CYP4X1: variants seen among roughly 807,000 people sequenced by gnomAD.
The protein encoded by CYP4X1 is cytochrome P450 family 4 subfamily X member 1.
CYP4X1 carries 44 observed loss-of-function variants against 57.9 expected under a neutral mutation model. The ratio of observed to expected loss-of-function variants is 0.76; its 90% CI spans 0.60 to 0.98. CYP4X1 has a LOEUF of 0.98. Ranked by LOEUF, CYP4X1 falls within the 50% of genes least tolerant of loss-of-function variation. The probability of loss-of-function intolerance (pLI) is 0.00; values close to 1 mark genes in which losing one functional copy is unlikely to be tolerated. For missense variants in CYP4X1, 532 were observed against 623.9 expected (o/e 0.85, Z 1.57); for synonymous variants, 227 against 228.6 (o/e 0.99, Z 0.06).
At chr1:47,027,989 T>C (rs1474145475) in intron 1 of CYP4X1, among the ~76,000 whole-genome samples, 1 of 152,238 alleles carries the variant, frequency 6.6e-6, no homozygotes, top group African/African-American at 2.4e-5. Context: ...ACCTAGTGCA[T>C]GGTACAGTTC....
At chr1:47,018,552 A>G in the CYP4X1 span, among the ~76,000 whole-genome samples, 1 of 152,296 alleles carries the variant, frequency 6.6e-6, no homozygotes, top group East Asian at 1.9e-4. Flanking sequence ...GGGAGTCACC[A>G]TTATGGGGCA....
chr1:47,031,625 A>T, intron 3 of CYP4X1, 145 bp downstream of exon 3: 3 of 844,618 alleles, frequency 3.6e-6, no homozygotes, highest in Non-Finnish European at 5.5e-6. Context: ...TAGGGGAAAG[A>T]TTGAAGGGGA....
the CYP4X1 span, among the ~76,000 whole-genome samples, chr1:46,981,960 C>T: frequency 1.1e-4 from 16 of 152,072 alleles, no homozygotes; most frequent in Admixed American, 2.0e-4. Flanking sequence ...GGGTGGGGAA[C>T]ATCACACACC....
chr1:47,023,541 G>A (rs1048052918), upstream of CYP4X1: 2 of 1,197,514 alleles, frequency 1.7e-6, no homozygotes, highest in African/African-American at 3.1e-5. Context: ...AAAACTGTTG[G>A]ACTTAAAAGA....
At chr1:46,970,795 C>A in the CYP4X1 span, among the ~76,000 whole-genome samples, 1 of 152,182 alleles carries the variant, frequency 6.6e-6, no homozygotes, top group Admixed American at 6.5e-5. Flanking sequence ...CACGCAGCTG[C>A]TGCACAAGAA....
intron 5 of CYP4X1, 27 bp from the exon 6 acceptor site, chr1:47,035,990 A>T: frequency 6.2e-7 from 1 of 1,610,684 alleles, no homozygotes; most frequent in East Asian, 2.2e-5. Flanking sequence ...TTGTTTATTA[A>T]CACATTATCC....
chr1:47,005,612 T>C, the CYP4X1 span, among the ~76,000 whole-genome samples: 1 of 152,216 alleles, frequency 6.6e-6, no homozygotes, highest in South Asian at 2.1e-4. Context: ...GACTAGCAAA[T>C]TGGCTTATAA....
chr1:46,970,697 A>C, the CYP4X1 span, among the ~76,000 whole-genome samples: 1 of 152,214 alleles, frequency 6.6e-6, no homozygotes, highest in Non-Finnish European at 1.5e-5. Flanking sequence ...AGCTGTTTTA[A>C]CCACCAGATA....
the CYP4X1 span, among the ~76,000 whole-genome samples, chr1:46,983,367 G>A: frequency 6.6e-6 from 1 of 152,222 alleles, no homozygotes; most frequent in Non-Finnish European, 1.5e-5. Flanking sequence ...GAGAGACTGG[G>A]CTCCTTTTCA....
the CYP4X1 span, chr1:47,003,036 A>C: frequency 6.6e-6 from 1 of 152,196 alleles, no homozygotes; most frequent in Non-Finnish European, 1.5e-5. Context: ...GTCATATAAT[A>C]GGAAGTGAAC....
In CYP4X1 at chr1:47,050,669, G is replaced by A. The variant is rs1324515902; in HGVS notation, c.*495G>A. ...TCCTATACATTTTATATGTAGAAAT[G>A]TAGCAATGTATTTGTATAGATGTGA... On this transcript the variant is annotated 3_prime_UTR_variant, in exon 12 of 12. Coordinates refer to ENST00000371901, the MANE Select transcript of CYP4X1 (RefSeq NM_178033.2). 1.9e-5 allele frequency: 3 copies of A among 155,412 alleles called. No homozygotes were observed. Among genetic ancestry groups the A allele is most frequent in the Admixed American group, 1.2e-4 (2 of 16,008 alleles). The allele number at this position is 155,412 out of a possible 1,614,324, so 9.6% of individuals were successfully genotyped here. A position where few individuals can be genotyped will look rare whatever the true frequency, so the allele number is the denominator to read the frequency against.
At chr1:46,985,020 G>C in the CYP4X1 span, among the ~76,000 whole-genome samples, 1 of 152,184 alleles carries the variant, frequency 6.6e-6, no homozygotes, top group East Asian at 1.9e-4. Flanking sequence ...AGCTTGGTGG[G>C]GAGAGGCGTA....
At chr1:46,970,583 T>G in the CYP4X1 span, among the ~76,000 whole-genome samples, 1 of 152,212 alleles carries the variant, frequency 6.6e-6, no homozygotes, top group African/African-American at 2.4e-5. Context: ...AATTGCTGCT[T>G]TAAGTTTATA....
chr1:47,022,283 C>CTTTT (rs11352280), upstream of CYP4X1, among the ~76,000 whole-genome samples: 2 of 77,310 alleles, frequency 2.6e-5, no homozygotes, highest in African/African-American at 5.1e-5. Context: ...TGGGGCCTGT[C>CTTTT]TTTTTTTTTT....
At chr1:46,966,127 CT>C in the CYP4X1 span, among the ~76,000 whole-genome samples, 2 of 152,356 alleles carry the variant, frequency 1.3e-5, no homozygotes, top group African/African-American at 4.8e-5. Context: ...AAACTCAACA[CT>C]TTTCAGGCAG....
the CYP4X1 span, among the ~76,000 whole-genome samples, chr1:46,992,717 CA>C: frequency 6.6e-6 from 1 of 152,298 alleles, no homozygotes; most frequent in African/African-American, 2.4e-5. Context: ...CATTGGCTCA[CA>C]AGTATCTGTT....
chr1:47,043,265 ATTGTC>A (rs753010621), intron 8 of CYP4X1, among the ~76,000 whole-genome samples: 17 of 152,030 alleles, frequency 1.1e-4, no homozygotes, highest in Non-Finnish European at 1.8e-4. Flanking sequence ...TCTTTTGAGA[ATTGTC>A]TATTCATGTC....
chr1:47,017,403 G>T, the CYP4X1 span, among the ~76,000 whole-genome samples: 1 of 146,598 alleles, frequency 6.8e-6, no homozygotes, highest in African/African-American at 2.5e-5. Flanking sequence ...TAGGCTGGTG[G>T]TTAAAGAAAT....
At chr1:46,987,988 A>G in the CYP4X1 span, among the ~76,000 whole-genome samples, 13 of 152,332 alleles carry the variant, frequency 8.5e-5, no homozygotes, top group African/African-American at 3.1e-4. Context: ...GAGAAGCAAG[A>G]GCAAACATAC....
Sources: gnomAD v4.1 joint callset for allele counts (sites outside exome capture counted in the v4.1 genomes callset) on GRCh38, gnomAD v4.1.1 for gene constraint, MANE v1.5 for transcripts, NCBI Gene and HGNC (gene_info 2026-07-23, HGNC 2026-07-21) for gene names.